Variants in GPRC5C observed in about 807,000 individuals in gnomAD.
GPRC5C encodes G protein-coupled receptor family C group 5 member C.
In GPRC5C, 22 loss-of-function variants were observed where a neutral mutation model predicts 31.4. The observed-to-expected ratio is 0.70, with a 90% confidence interval of 0.50 to 1.00. The LOEUF (loss-of-function observed/expected upper bound fraction) is 1.00, where lower values mean the gene tolerates loss of function less well. Among genes scored for constraint, GPRC5C ranks in the 50% least tolerant of loss-of-function variants. The pLI, the probability that GPRC5C is intolerant of heterozygous loss-of-function variation, is 0.00. For missense variants in GPRC5C, 557 were observed against 597.2 expected (o/e 0.93, Z 0.70); for synonymous variants, 249 against 257.5 (o/e 0.97, Z 0.32).
At chr17:74,434,999 C>T (rs2055412665) in intron 1 of GPRC5C, among the ~76,000 whole-genome samples, 1 of 151,936 alleles carries the variant, frequency 6.6e-6, no homozygotes, top group Non-Finnish European at 1.5e-5. Context: ...GCGGGCGGAT[C>T]ACGAGGTCAG....
At chr17:74,439,435 G>T (rs975265254) in intron 1 of GPRC5C, among the ~76,000 whole-genome samples, 3 of 152,186 alleles carry the variant, frequency 2.0e-5, no homozygotes, top group African/African-American at 7.2e-5. Flanking sequence ...CACCGTGGCC[G>T]CCAGAGCTCA....
At chr17:74,445,641 C>A (rs1427558926) in intron 3 of GPRC5C, 1 of 152,314 alleles carries the variant, frequency 6.6e-6, no homozygotes, top group Non-Finnish European at 1.5e-5. Flanking sequence ...GCCTGAGGAC[C>A]TCCTGGGCCT....
intron 3 of GPRC5C, 27 bp from the exon 4 acceptor site, chr17:74,446,822 T>C: frequency 6.3e-7 from 1 of 1,575,766 alleles, no homozygotes. Context: ...AATCCCCGAC[T>C]GTGAGACCGC....
chr17:74,443,574 G>A, intron 2 of GPRC5C: 1 of 656,784 alleles, frequency 1.5e-6, no homozygotes, highest in Non-Finnish European at 2.8e-6. Context: ...CTACAGTGCA[G>A]GGAAGCTCAG....
At chr17:74,443,608 CT>C (rs1325387596) in intron 2 of GPRC5C, 6 of 689,424 alleles carry the variant, frequency 8.7e-6, no homozygotes, top group Non-Finnish European at 1.6e-5. Context: ...TCCCATGCAT[CT>C]GTACAAAGGG....
rs145478067 is a variant in GPRC5C at position 74,434,267 on chromosome 17, C to A, written c.-33+2126C>A. 6.7e-3 allele frequency among the ~76,000 whole-genome samples: 1,027 copies of A among 152,248 alleles called. 12 individuals are homozygous for A. Among genetic ancestry groups the A allele is most frequent in the African/African-American group, 0.024 (982 of 41,550 alleles). On this transcript the variant is annotated intron_variant, in intron 1 of 3. Coordinates refer to ENST00000392627, the MANE Select transcript of GPRC5C (RefSeq NM_022036.4). The stretch of plus-strand genomic sequence containing the variant: ...GGGCGGAAGGAGGTTCCCCTCCTAC[C>A]CCCCTCCTTGAACCCTCTGAGAATC...
At chr17:74,449,104 A>G (rs1015991668), downstream of GPRC5C, among the ~76,000 whole-genome samples, 1 of 152,224 alleles carries the variant, frequency 6.6e-6, no homozygotes, top group African/African-American at 2.4e-5. Context: ...TTGTAGGGGA[A>G]AAAATGTTTT....
chr17:74,442,948 C>CTTGGGGCTGAGTTTTTACTTCCTTTTTT (rs2055565807), intron 2 of GPRC5C: 1 of 151,784 alleles, frequency 6.6e-6, no homozygotes, highest in Non-Finnish European at 1.5e-5. Flanking sequence ...GGTTCTCAAC[C>CTTGGGGCTGAGTTTTTACTTCCTTTTTT]TTGGGGCTGA....
chr17:74,437,682 G>T (rs1199873605), intron 1 of GPRC5C, among the ~76,000 whole-genome samples: 1 of 138,950 alleles, frequency 7.2e-6, no homozygotes, highest in Non-Finnish European at 1.5e-5. Context: ...TCTATCAACT[G>T]TGGGATTTAG....
intron 1 of GPRC5C, among the ~76,000 whole-genome samples, chr17:74,432,879 A>G (rs2055376279): frequency 6.6e-6 from 1 of 151,862 alleles, no homozygotes; most frequent in Admixed American, 6.5e-5. Flanking sequence ...CTGTGGCCCT[A>G]AAAATGGGAG....
At chr17:74,451,412 GAGA>G (rs1198051502), downstream of GPRC5C, 2 of 152,218 alleles carry the variant, frequency 1.3e-5, no homozygotes, top group African/African-American at 2.4e-5. Flanking sequence ...GGGCCAAGTG[GAGA>G]AGAAGTTAGA....
intron 1 of GPRC5C, 63 bp from the exon 2 acceptor site, chr17:74,439,682 C>T (rs919496486): frequency 3.4e-6 from 5 of 1,465,624 alleles, no homozygotes; most frequent in Non-Finnish European, 4.6e-6. Flanking sequence ...GGGGAAGCAG[C>T]ACCATGTATA....
intron 3 of GPRC5C, among the ~76,000 whole-genome samples, chr17:74,444,449 G>C (rs560483709): frequency 1.5e-3 from 235 of 152,366 alleles, no homozygotes; most frequent in African/African-American, 5.5e-3. Flanking sequence ...AGCCAGGGGA[G>C]GGGGAGGGAG....
intron 1 of GPRC5C, among the ~76,000 whole-genome samples, chr17:74,437,670 T>C (rs2055453869): frequency 1.4e-5 from 2 of 144,020 alleles, no homozygotes; most frequent in African/African-American, 5.8e-5. Context: ...AGAGGGACAA[T>C]TTCTATCAAC....
chr17:74,441,108 C>G (rs187353100), intron 2 of GPRC5C, among the ~76,000 whole-genome samples: 2 of 151,918 alleles, frequency 1.3e-5, no homozygotes, highest in African/African-American at 2.4e-5. Flanking sequence ...AACCCCGTCT[C>G]TACTAGAAAT....
downstream of GPRC5C, among the ~76,000 whole-genome samples, chr17:74,448,067 G>C (rs533468559): frequency 7.4e-4 from 112 of 152,308 alleles, no homozygotes; most frequent in Admixed American, 1.4e-3. Context: ...CCAGCACTTT[G>C]GGAGGCCAAG....
At chr17:74,436,793 G>A (rs2055437918) in intron 1 of GPRC5C, among the ~76,000 whole-genome samples, 1 of 152,212 alleles carries the variant, frequency 6.6e-6, no homozygotes, top group Non-Finnish European at 1.5e-5. Context: ...CCTACGTCCA[G>A]CTTCAAGCCC....
At chr17:74,433,188 A>C (rs1305254578) in intron 1 of GPRC5C, among the ~76,000 whole-genome samples, 1 of 152,056 alleles carries the variant, frequency 6.6e-6, no homozygotes, top group African/African-American at 2.4e-5. Flanking sequence ...CCGGGAGAGG[A>C]GACTGTTGGA....
chr17:74,435,538 T>C (rs2055420623), intron 1 of GPRC5C, among the ~76,000 whole-genome samples: 2 of 152,094 alleles, frequency 1.3e-5, no homozygotes, highest in South Asian at 4.1e-4. Context: ...GGTACCTGGA[T>C]GCGGTGAGGG....
Sources: gnomAD v4.1 joint callset for allele counts (sites outside exome capture counted in the v4.1 genomes callset) on GRCh38, gnomAD v4.1.1 for gene constraint, MANE v1.5 for transcripts, NCBI Gene and HGNC (gene_info 2026-07-23, HGNC 2026-07-21) for gene names.